Variants in MROH7 observed in about 807,000 individuals in gnomAD.
MROH7 encodes the protein maestro heat-like repeat-containing protein family member 7.
MROH7 carries 113 observed loss-of-function variants against 129.2 expected under a neutral mutation model. That is an observed-to-expected ratio of 0.87 (90% CI 0.75 to 1.02). The LOEUF is 1.02. MROH7 is among the 50% of genes least tolerant of loss of function. The pLI is 0.00. For synonymous variants in MROH7, 655 were observed against 667.9 expected, an observed-to-expected ratio of 0.98 and a Z score of 0.30; for missense variants, 1,601 against 1,671.3, an observed-to-expected ratio of 0.96 and a Z score of 0.73.
chr1:54,699,707 G>A (rs558315304), intron 17 of MROH7: 8 of 218,838 alleles, frequency 3.7e-5, no homozygotes, highest in Admixed American at 2.1e-4. Flanking sequence ...GGAACAACTC[G>A]GGTTTTGTCC....
intron 21 of MROH7, among the ~76,000 whole-genome samples, chr1:54,705,253 A>G (rs1645513774): frequency 6.6e-6 from 1 of 152,106 alleles, no homozygotes; most frequent in South Asian, 2.1e-4. Flanking sequence ...TTAAAGGTCA[A>G]CCTCCAGGCT....
At chr1:54,695,578 T>A (rs771275326) in intron 17 of MROH7, 88 bp downstream of exon 17, 1 of 838,710 alleles carries the variant, frequency 1.2e-6, no homozygotes, top group Non-Finnish European at 2.0e-6. Flanking sequence ...TAAACAGTAC[T>A]TTATAGTTTA....
At chr1:54,645,357 G>A (rs971820021) in intron 1 of MROH7, among the ~76,000 whole-genome samples, 1 of 151,904 alleles carries the variant, frequency 6.6e-6, no homozygotes, top group African/African-American at 2.4e-5. Flanking sequence ...TTGGCTCACT[G>A]CAACCTCCAC....
chr1:54,707,829 CT>C (rs886462268), intron 22 of MROH7, among the ~76,000 whole-genome samples: 9 of 152,038 alleles, frequency 5.9e-5, no homozygotes, highest in African/African-American at 2.2e-4. Flanking sequence ...GAATACTTTC[CT>C]GAAAAAAATG....
At chr1:54,679,471 TC>T (rs770383254) in intron 12 of MROH7, 32 bp downstream of exon 12, 24 of 1,599,962 alleles carry the variant, frequency 1.5e-5, no homozygotes, top group Non-Finnish European at 2.0e-5. Context: ...GAGTGAACTG[TC>T]ACTGGGGCTC....
At chr1:54,657,013 T>A (rs1644659530) in intron 3 of MROH7, among the ~76,000 whole-genome samples, 6 of 150,952 alleles carry the variant, frequency 4.0e-5, no homozygotes, top group Admixed American at 3.3e-4. Flanking sequence ...ATAGCAAGAC[T>A]CTGTCTATAT....
chr1:54,654,043 A>C lies in MROH7; in HGVS notation c.1117A>C (p.Asn373His). 1 of 1,614,190 alleles carries C rather than the reference A, an allele frequency of 6.2e-7. No homozygotes were observed. ...CATCCACACTGTGCCCCTGGAGGAG[A>C]ATCTGGAGAGTTGGAGTGAGATGGC... is the stretch of plus-strand genomic sequence containing the variant. ...NSIHTVPLEE[N>H]LESWSEMASI... Residue 373 changes from asparagine to histidine, a missense_variant, in exon 3 of 24, where the codon AAT becomes CAT. By Grantham distance (68) the Asn-to-His change is moderately conservative. Coordinates refer to ENST00000421030, the MANE Select transcript of MROH7 (RefSeq NM_001039464.4).
At position 54,701,899 on chromosome 1, in the gene MROH7, T is replaced by G. The variant is rs866612863; in HGVS notation, c.3286-191T>G. Among the ~76,000 whole-genome samples the G allele has an allele frequency of 8.0e-4, 122 of 152,090 alleles. No homozygotes were observed. In the Middle Eastern group the frequency reaches 0.01, roughly 13 times the overall value. The stretch of plus-strand genomic sequence containing the variant: ...TTTTTTTTTTTCTTTAAACTGCTCC[T>G]AGCAGAGGAGGAGAGGGAGGCATTT... On this transcript the variant is annotated intron_variant, in intron 19 of 23. Coordinates refer to ENST00000421030, the MANE Select transcript of MROH7 (RefSeq NM_001039464.4).
intron 21 of MROH7, 54 bp from the exon 22 acceptor site, chr1:54,706,381 G>A (rs920254642): frequency 6.9e-6 from 9 of 1,301,500 alleles, no homozygotes; most frequent in Non-Finnish European, 1.0e-5. Flanking sequence ...AAGGGTGGAT[G>A]GGCAATTGGT....
chr1:54,666,452 T>TTTTTTTGGGG (rs1644816698), intron 4 of MROH7, among the ~76,000 whole-genome samples: 1 of 100,202 alleles, frequency 1.0e-5, no homozygotes, highest in African/African-American at 3.7e-5. Flanking sequence ...TTTTTTTTTT[T>TTTTTTTGGGG]GAGGCAGGGT....
At chr1:54,659,770 T>C (rs770627271) in intron 3 of MROH7, among the ~76,000 whole-genome samples, 28 of 152,192 alleles carry the variant, frequency 1.8e-4, no homozygotes, top group Non-Finnish European at 1.8e-4. Context: ...CTGTTTTGAC[T>C]CTGGCTTCTT....
At chr1:54,700,088 A>G in intron 17 of MROH7, 1 of 694,926 alleles carries the variant, frequency 1.4e-6, no homozygotes, top group Non-Finnish European at 2.7e-6. Flanking sequence ...TCTCATGGGA[A>G]AGGCAACAAC....
At chr1:54,673,634 C>A (rs1488112121) in intron 8 of MROH7, 67 bp from the exon 9 acceptor site, 2 of 1,216,934 alleles carry the variant, frequency 1.6e-6, no homozygotes, top group Admixed American at 3.4e-5. Context: ...TGAAGGCTGG[C>A]CTGTCCACCC....
At chr1:54,678,917 G>A (rs1645024160) in intron 11 of MROH7, 63 bp downstream of exon 11, 2 of 1,300,650 alleles carry the variant, frequency 1.5e-6, no homozygotes, top group East Asian at 4.6e-5. Context: ...GTGCCACCTG[G>A]CCCCAAAGCT....
chr1:54,653,043 A>G lies in MROH7; in HGVS notation c.117A>G (p.Pro39=), dbSNP rs1456828294. Residue 39 remains proline, a synonymous_variant, in exon 3 of 24, where the codon CCA becomes CCG. Coordinates refer to ENST00000421030, the MANE Select transcript of MROH7 (RefSeq NM_001039464.4). ...CTGGTACCATCCCTCAGCCCCACCC[A>G]GACATGGCTCAGGTGCCTATGTTGA... ...LGSGTIPQPH[P]DMAQVPMLNL... 6.2e-7 allele frequency: 1 copy of G among 1,614,194 alleles called. No individual in the cohort carries two copies. Among genetic ancestry groups the G allele is most frequent in the East Asian group, 2.2e-5 (1 of 44,886 alleles).
chr1:54,686,171 A>G (rs1289153297), intron 14 of MROH7, 87 bp from the exon 15 acceptor site: 9 of 1,247,650 alleles, frequency 7.2e-6, no homozygotes, highest in East Asian at 2.4e-5. Context: ...CCCAGATCCT[A>G]CCTCCCAGAG....
At chr1:54,691,642 C>G (rs1645238047) in intron 15 of MROH7, among the ~76,000 whole-genome samples, 1 of 152,004 alleles carries the variant, frequency 6.6e-6, no homozygotes, top group East Asian at 1.9e-4. Flanking sequence ...CCCGTCTCTA[C>G]TAAAAATACA....
At chr1:54,708,641 G>A (rs1645574223) in intron 22 of MROH7, among the ~76,000 whole-genome samples, 1 of 152,164 alleles carries the variant, frequency 6.6e-6, no homozygotes, top group Non-Finnish European at 1.5e-5. Flanking sequence ...AGGTATGCAA[G>A]GTGCTCAGTG....
At position 54,700,479 on chromosome 1, in the gene MROH7, GA is replaced by G. The variant is rs112356046; in HGVS notation, c.3105+21del. ...CTGAGAAGGTGAGTGGGAGGCAGAGGAAAGCCTGGCCCAGCCAGGCCCCAGA... is the reference window on the plus strand; with the variant it reads ...CTGAGAAGGTGAGTGGGAGGCAGAGGAAGCCTGGCCCAGCCAGGCCCCAGA... On this transcript the variant is annotated intron_variant, in intron 18 of 23. Coordinates refer to ENST00000421030, the MANE Select transcript of MROH7 (RefSeq NM_001039464.4). The G allele has an allele frequency of 1.3e-5, 21 of 1,560,608 alleles. No homozygotes were observed. The African/African-American group carries it at 2.2e-4, about 16-fold the overall frequency.
Sources: gnomAD v4.1 joint callset for allele counts (sites outside exome capture counted in the v4.1 genomes callset) on GRCh38, gnomAD v4.1.1 for gene constraint, MANE v1.5 for transcripts, NCBI Gene and HGNC (gene_info 2026-07-23, HGNC 2026-07-21) for gene names.